The following KIF1A variants were observed in gnomAD, a reference collection of about 807,000 sequenced individuals.
The protein encoded by KIF1A is kinesin family member 1A, also known as kinesin-like protein KIF1A.
In KIF1A, 46 loss-of-function variants were observed where a neutral mutation model predicts 227.3. The observed-to-expected ratio is 0.20, with a 90% CI of 0.16 to 0.26. The LOEUF (loss-of-function observed/expected upper bound fraction) is 0.26. KIF1A is among the 10% of genes least tolerant of loss of function. KIF1A has a pLI of 1.00. For synonymous variants in KIF1A, 1,022 were observed against 1,012.8 expected (o/e 1.01, Z -0.17); for missense variants, 1,683 against 2,485.9 (o/e 0.68, Z 6.87).
chr2:240,737,307 G>T, intron 37 of KIF1A, 139 bp from the exon 38 acceptor site: 1 of 673,434 alleles, frequency 1.5e-6, no homozygotes. Context: ...GGTGCCAGGG[G>T]GAACAGGGAG....
At chr2:240,773,499 G>A (rs1359760203) in intron 12 of KIF1A, among the ~76,000 whole-genome samples, 3 of 152,172 alleles carry the variant, frequency 2.0e-5, no homozygotes, top group Admixed American at 6.5e-5. Flanking sequence ...GTTCCCGCTC[G>A]CCCACTTGGG....
Position 240,775,716 on chromosome 2 carries a change from C to T in KIF1A, c.958+135G>A, listed in dbSNP as rs1356339477. The T allele has an allele frequency of 3.0e-6, 2 of 662,894 alleles. No individual in the cohort carries two copies. Among genetic ancestry groups the T allele is most frequent in the Non-Finnish European group, 5.5e-6 (2 of 363,142 alleles). The allele number at this position is 662,894 out of a possible 1,614,324, so 41.1% of individuals were successfully genotyped here. ...AGGGCCACGAACTGACTGGACCCTC[C>T]AGGTTCACCTCCCAGCCTCAGCCCA... On this transcript the variant is annotated intron_variant, in intron 11 of 48. Transcript: ENST00000498729. This position sits in a 1 kb window ranked among gnomAD's most constrained non-coding sequence, Gnocchi z 5.5.
intron 10 of KIF1A, among the ~76,000 whole-genome samples, chr2:240,777,548 C>T (rs2052918222): frequency 6.6e-6 from 1 of 152,152 alleles, no homozygotes; most frequent in Non-Finnish European, 1.5e-5. Context: ...CCCGTCTAGG[C>T]CCCCCAGCCT....
Position 240,807,249 on chromosome 2 carries a change from G to A in KIF1A, c.-60-9437C>T, listed in dbSNP as rs183387245. Among the ~76,000 whole-genome samples the A allele has an allele frequency of 5.7e-3, 872 of 151,992 alleles. 12 individuals carry two copies. Among genetic ancestry groups the A allele is most frequent in the African/African-American group, 0.02 (824 of 41,418 alleles). On this transcript the variant is annotated intron_variant, in intron 1 of 48. Transcript: ENST00000498729. ...CAACCTCTGCCTCCCGGGTTCAAGC[G>A]ATTCTCCTGCCTCAGCCTCCCTAGT...
At chr2:240,813,069 A>G (rs996538565) in intron 1 of KIF1A, among the ~76,000 whole-genome samples, 15 of 151,938 alleles carry the variant, frequency 9.9e-5, no homozygotes, top group Non-Finnish European at 1.8e-4. Flanking sequence ...GTGGCCCGCC[A>G]TGTGCACACC....
At position 240,757,426 on chromosome 2, in the gene KIF1A, C is replaced by CTCCTCA; in HGVS notation, c.2750_2751insTGAGGA (p.Glu916_Glu917insAspGlu). 4.2e-6 allele frequency: 1 copy of CTCCTCA among 236,122 alleles called. No individual in the cohort carries two copies. The highest frequency in any genetic ancestry group is 3.9e-4 in the East Asian group (1 of 2,576). The allele number at this position is 236,122 out of a possible 1,614,324, so 14.6% of individuals were successfully genotyped here. A position where few individuals can be genotyped will look rare whatever the true frequency, so the allele number is the denominator to read the frequency against. On this transcript the variant is annotated inframe_insertion, in exon 27 of 49. Transcript: ENST00000498729. The surrounding 1 kb of genome is among the most constrained non-coding windows in gnomAD (Gnocchi z 6.2). The stretch of plus-strand genomic sequence containing the variant: ...CCTCCAGGTCCTCCTCCTCCTCATC[C>CTCCTCA]TCCTCCTCCTCCTCCTCCTCCTCCT...
chr2:240,718,802 G>A (rs915356077), intron 47 of KIF1A, among the ~76,000 whole-genome samples: 18 of 152,210 alleles, frequency 1.2e-4, no homozygotes, highest in Admixed American at 3.9e-4. Context: ...AGGAATATGC[G>A]CCTCATGGGC....
chr2:240,715,489 G>A lies in KIF1A; in HGVS notation c.*1875C>T, dbSNP rs2044516511. ...CGCACCTGAGCCCAGGTACGAAAAG[G>A]CGAGCCCACAGTCCCAGCTCCCAAA... On this transcript the variant is annotated 3_prime_UTR_variant, in exon 49 of 49. Transcript: ENST00000498729. The A allele has an allele frequency of 6.6e-6, 1 of 152,280 alleles. No homozygotes were observed. The highest frequency in any genetic ancestry group is 2.4e-5 in the African/African-American group (1 of 41,432). The allele number at this position is 152,280 out of a possible 1,614,324, so 9.4% of individuals were successfully genotyped here.
chr2:240,776,814 T>C (rs2052780318), intron 10 of KIF1A, among the ~76,000 whole-genome samples: 1 of 152,176 alleles, frequency 6.6e-6, no homozygotes, highest in Non-Finnish European at 1.5e-5. Context: ...GACATCATTG[T>C]TCTTGAAGAC....
rs1307301803 is a variant in KIF1A at position 240,758,920 on chromosome 2, CAG to C, written c.2445-425_2445-424del. 4.6e-5 allele frequency among the ~76,000 whole-genome samples: 7 copies of C among 152,172 alleles called. No individual in the cohort carries two copies. Among genetic ancestry groups the C allele is most frequent in the African/African-American group, 1.7e-4 (7 of 41,420 alleles). On this transcript the variant is annotated intron_variant, in intron 25 of 48. Transcript: ENST00000498729. This position sits in a 1 kb window ranked among gnomAD's most constrained non-coding sequence, Gnocchi z 5.2. Reference sequence around the variant, plus strand: ...AAACTGGGGGTAGGGACACAGAAGACAGAGAAAATAGCCTACAAATTATTATT... The same window carrying C: ...AAACTGGGGGTAGGGACACAGAAGACAGAAAATAGCCTACAAATTATTATT...
intron 34 of KIF1A, among the ~76,000 whole-genome samples, chr2:240,742,103 C>A (rs912020078): frequency 2.6e-5 from 4 of 152,264 alleles, no homozygotes; most frequent in Non-Finnish European, 5.9e-5. Flanking sequence ...GGCTCTGCAG[C>A]AGCTGGAGGG....
intron 10 of KIF1A, among the ~76,000 whole-genome samples, chr2:240,777,117 C>T (rs1353773758): frequency 6.6e-6 from 1 of 152,206 alleles, no homozygotes; most frequent in Non-Finnish European, 1.5e-5. Context: ...GATCGCGGCT[C>T]ACTGCAACCT....
intron 38 of KIF1A, chr2:240,728,366 C>G (rs3772048): frequency 7.7e-7 from 1 of 1,292,314 alleles, no homozygotes. Context: ...CAAGCAAGGG[C>G]GGAAGAGAAA....
chr2:240,737,152 A>G lies in KIF1A; in HGVS notation c.3918T>C (p.Thr1306=), dbSNP rs1386393070. ...CGATCAGGGACTCGTCGGTCTCTGG[A>G]GTGTTTCGGATGCGGCCTGCAGAAA... ...RELVVGRIRN[T]PETDESLIDP... Residue 1306 remains threonine, a synonymous_variant, in exon 38 of 49, where the codon ACT becomes ACC. Transcript: ENST00000498729. 1 of 1,613,368 alleles carries G rather than the reference A, an allele frequency of 6.2e-7. No individual in the cohort carries two copies. Among genetic ancestry groups the G allele is most frequent in the Non-Finnish European group, 8.5e-7 (1 of 1,179,546 alleles).
intron 37 of KIF1A, among the ~76,000 whole-genome samples, chr2:240,738,710 C>T (rs918248627): frequency 1.3e-5 from 2 of 152,252 alleles, no homozygotes; most frequent in African/African-American, 4.8e-5. Flanking sequence ...CCCACATAAA[C>T]AGACACTCCT....
chr2:240,735,094 G>A (rs1257685911), intron 38 of KIF1A, among the ~76,000 whole-genome samples: 1 of 152,210 alleles, frequency 6.6e-6, no homozygotes, highest in Non-Finnish European at 1.5e-5. Context: ...GCCTGCCTGG[G>A]GGTGCCAGCA....
Position 240,777,930 on chromosome 2 carries a change from G to A in KIF1A, c.883-2004C>T, listed in dbSNP as rs1042256426. Among the ~76,000 whole-genome samples the A allele has an allele frequency of 4.6e-5, 7 of 152,250 alleles. No individual in the cohort carries two copies. In the South Asian group the frequency reaches 1.0e-3, roughly 23 times the overall value. ...CCCAGTCCCTCACACAGACAGTCAC[G>A]CGGTTCCCACGCGGTGCTTCCACAT... On this transcript the variant is annotated intron_variant, in intron 10 of 48. Coordinates refer to ENST00000498729, the MANE Select transcript of KIF1A (RefSeq NM_001244008.2).
chr2:240,817,074 C>T (rs932092502), intron 1 of KIF1A, among the ~76,000 whole-genome samples: 1 of 152,236 alleles, frequency 6.6e-6, no homozygotes, highest in African/African-American at 2.4e-5. Flanking sequence ...TGCCTCTGCC[C>T]AGGTGCCATG....
At chr2:240,815,680 C>G (rs1575682548) in intron 1 of KIF1A, among the ~76,000 whole-genome samples, 1 of 152,034 alleles carries the variant, frequency 6.6e-6, no homozygotes, top group Non-Finnish European at 1.5e-5. Context: ...TGCTGGCCCC[C>G]GTGGGGGTGG....
Sources: gnomAD v4.1 joint callset for allele counts (sites outside exome capture counted in the v4.1 genomes callset) on GRCh38, gnomAD v4.1.1 for gene constraint, Gnocchi (gnomAD v3.1) non-coding constraint, MANE v1.5 for transcripts, NCBI Gene and HGNC (gene_info 2026-07-23, HGNC 2026-07-21) for gene names.